The following RALGAPA1 variants were observed in gnomAD, a reference collection of about 807,000 sequenced individuals.
The protein encoded by RALGAPA1 is ral GTPase-activating protein subunit alpha-1.
A neutral mutation model predicts 269.6 loss-of-function variants in RALGAPA1; 52 were observed. The ratio of observed to expected loss-of-function variants is 0.19; its 90% CI spans 0.15 to 0.24. RALGAPA1 has a LOEUF of 0.24. Ranked by LOEUF, RALGAPA1 falls within the 10% of genes least tolerant of loss-of-function variation. The pLI is 1.00. For missense variants in RALGAPA1, 1,917 were observed against 3,013.9 expected (o/e 0.64, Z 8.52); for synonymous variants, 817 against 1,008.3 (o/e 0.81, Z 3.60).
intron 16 of RALGAPA1, among the ~76,000 whole-genome samples, chr14:35,718,621 G>C (rs1389159935): frequency 6.6e-6 from 1 of 152,014 alleles, no homozygotes; most frequent in African/African-American, 2.4e-5. Context: ...TTCGACACCA[G>C]CCTGGCCAAC....
chr14:35,661,122 T>C (rs1407178431), intron 27 of RALGAPA1, among the ~76,000 whole-genome samples: 1 of 152,114 alleles, frequency 6.6e-6, no homozygotes, highest in Non-Finnish European at 1.5e-5. Context: ...TAGATCTTGG[T>C]TTCTTTTACT....
Position 35,549,103 on chromosome 14 carries a change from A to C in RALGAPA1, c.7621+7T>G. The C allele has an allele frequency of 6.2e-7, 1 of 1,610,974 alleles. No individual in the cohort carries two copies. The highest frequency in any genetic ancestry group is 8.5e-7 in the Non-Finnish European group (1 of 1,179,074). ...AACAAGTAACTAATACTCGCTTTTA[A>C]TCTTACCGGCATCAGATGGTAAATG... On this transcript the variant is annotated splice_region_variant and intron_variant, in intron 40 of 41. Transcript: ENST00000680220.
At chr14:35,609,256 A>C (rs908975321) in intron 35 of RALGAPA1, among the ~76,000 whole-genome samples, 13 of 151,972 alleles carry the variant, frequency 8.6e-5, no homozygotes, top group African/African-American at 2.7e-4. Context: ...ACAAAAAAAA[A>C]CAAGTCTTGA....
chr14:35,596,888 T>A (rs2058961594), intron 36 of RALGAPA1, among the ~76,000 whole-genome samples: 1 of 152,200 alleles, frequency 6.6e-6, no homozygotes, highest in African/African-American at 2.4e-5. Flanking sequence ...ACACATCCAT[T>A]CACGTTAGTG....
At chr14:35,607,881 C>A (rs2059690580) in intron 35 of RALGAPA1, among the ~76,000 whole-genome samples, 2 of 152,112 alleles carry the variant, frequency 1.3e-5, no homozygotes, top group African/African-American at 2.4e-5. Context: ...TTTTGGAGTT[C>A]AAAAACCCTG....
intron 35 of RALGAPA1, among the ~76,000 whole-genome samples, chr14:35,616,796 A>G (rs1012653228): frequency 1.3e-5 from 2 of 152,176 alleles, no homozygotes; most frequent in Non-Finnish European, 2.9e-5. Context: ...CAGGATGCTA[A>G]CCTTCAGAAA....
chr14:35,602,134 A>G (rs568970077), intron 36 of RALGAPA1, among the ~76,000 whole-genome samples: 2 of 152,338 alleles, frequency 1.3e-5, no homozygotes, highest in Admixed American at 6.5e-5. Flanking sequence ...TTCATGCTGT[A>G]GCACATAATC....
intron 1 of RALGAPA1, among the ~76,000 whole-genome samples, chr14:35,807,654 G>T (rs925301409): frequency 1.3e-5 from 2 of 152,166 alleles, no homozygotes; most frequent in African/African-American, 4.8e-5. Flanking sequence ...CATAATTTAC[G>T]TGAAATCACT....
intron 1 of RALGAPA1, among the ~76,000 whole-genome samples, chr14:35,799,663 C>T (rs147368699): frequency 1.3e-4 from 19 of 151,250 alleles, no homozygotes; most frequent in African/African-American, 3.4e-4. Flanking sequence ...TCAACTAATT[C>T]AAAAGAAGGG....
intron 41 of RALGAPA1, among the ~76,000 whole-genome samples, chr14:35,547,923 C>T (rs1034925803): frequency 2.0e-4 from 31 of 151,938 alleles, no homozygotes; most frequent in African/African-American, 7.2e-4. Flanking sequence ...TAACTTTTTC[C>T]AAATAAATTA....
At chr14:35,614,788 C>CTCAGTGTTTTTGCTTCT (rs1326738646) in intron 35 of RALGAPA1, among the ~76,000 whole-genome samples, 5 of 151,886 alleles carry the variant, frequency 3.3e-5, no homozygotes, top group Admixed American at 1.3e-4. Context: ...AGAAAAAAAA[C>CTCAGTGTTTTTGCTTCT]TCAGTGTTTT....
chr14:35,711,308 C>G (rs1290961595), intron 16 of RALGAPA1, among the ~76,000 whole-genome samples: 1 of 152,170 alleles, frequency 6.6e-6, no homozygotes, highest in Non-Finnish European at 1.5e-5. Flanking sequence ...ATATTCCACT[C>G]TTTACTGCCT....
chr14:35,578,093 T>C (rs1435308557), intron 37 of RALGAPA1, among the ~76,000 whole-genome samples: 1 of 152,182 alleles, frequency 6.6e-6, no homozygotes, highest in African/African-American at 2.4e-5. Context: ...TATTGAGAGC[T>C]GACCAAATGC....
At chr14:35,650,137 C>T (rs973676128) in intron 31 of RALGAPA1, among the ~76,000 whole-genome samples, 7 of 152,088 alleles carry the variant, frequency 4.6e-5, no homozygotes, top group East Asian at 3.9e-4. Flanking sequence ...TTTGGGAGGC[C>T]GAGGCAGGTG....
At chr14:35,769,471 A>T (rs949156747) in intron 4 of RALGAPA1, among the ~76,000 whole-genome samples, 3 of 152,142 alleles carry the variant, frequency 2.0e-5, no homozygotes, top group Non-Finnish European at 4.4e-5. Context: ...GTTGAAAAAC[A>T]GTTAGGTACT....
chr14:35,802,933 C>A (rs1567266977), intron 1 of RALGAPA1, among the ~76,000 whole-genome samples: 1 of 151,988 alleles, frequency 6.6e-6, no homozygotes, highest in Non-Finnish European at 1.5e-5. Flanking sequence ...AGCAATCTGC[C>A]CACCTGAGCC....
intron 4 of RALGAPA1, among the ~76,000 whole-genome samples, chr14:35,764,689 C>T (rs539431862): frequency 6.6e-6 from 1 of 152,064 alleles, no homozygotes; most frequent in South Asian, 2.1e-4. Flanking sequence ...GGACTAAAGG[C>T]ACATGCCACC....
At chr14:35,716,505 T>C (rs887222679) in intron 16 of RALGAPA1, among the ~76,000 whole-genome samples, 3 of 151,658 alleles carry the variant, frequency 2.0e-5, no homozygotes, top group African/African-American at 7.3e-5. Flanking sequence ...TATACCATTA[T>C]CACACCTAAG....
chr14:35,797,131 G>C (rs2076624329), intron 1 of RALGAPA1, among the ~76,000 whole-genome samples: 1 of 151,976 alleles, frequency 6.6e-6, no homozygotes, highest in South Asian at 2.1e-4. Flanking sequence ...GAGGCAGGCA[G>C]ATCACAAGGC....
Sources: gnomAD v4.1 joint callset for allele counts (sites outside exome capture counted in the v4.1 genomes callset) on GRCh38, gnomAD v4.1.1 for gene constraint, MANE v1.5 for transcripts, NCBI Gene and HGNC (gene_info 2026-07-23, HGNC 2026-07-21) for gene names.